The following YARS1 variants were observed in gnomAD, a reference collection of about 807,000 sequenced individuals.
YARS1 encodes the protein tyrosine--tRNA ligase, cytoplasmic.
YARS1 carries 36 observed loss-of-function variants against 62.2 expected under a neutral mutation model. The ratio of observed to expected loss-of-function variants is 0.58; its 90% confidence interval spans 0.44 to 0.76. The LOEUF is 0.76. Ranked by LOEUF, YARS1 falls within the 30% of genes least tolerant of loss-of-function variation. The pLI is 0.00. For missense variants in YARS1, 524 were observed against 639.8 expected, an observed-to-expected ratio of 0.82 and a Z score of 1.95; for synonymous variants, 234 against 244.9, an observed-to-expected ratio of 0.96 and a Z score of 0.42.
chr1:32,796,342 CA>C (rs1297362552), intron 5 of YARS1, among the ~76,000 whole-genome samples: 2 of 150,148 alleles, frequency 1.3e-5, no homozygotes, highest in African/African-American at 4.9e-5. Context: ...AAGAAATAAT[CA>C]AAAAATGTAT....
chr1:32,782,735 G>A, intron 8 of YARS1, 196 bp from the exon 9 acceptor site: 1 of 674,960 alleles, frequency 1.5e-6, no homozygotes, highest in Non-Finnish European at 2.5e-6. Flanking sequence ...TTTTGATTCT[G>A]AAATCTATAC....
At chr1:32,782,819 T>TA (rs1385752534) in intron 8 of YARS1, 1 of 440,618 alleles carries the variant, frequency 2.3e-6, no homozygotes, top group Non-Finnish European at 4.2e-6. Context: ...ATGCTTAGAG[T>TA]AGGGTCACAG....
Position 32,776,178 on chromosome 1 carries a change from G to C in YARS1, c.1477-87C>G. ...TTTTTTGGAGGGGGGGCAGAGTTTT[G>C]CTCTTGTTGCCCAGGCTGGAGTGCA... On this transcript the variant is annotated intron_variant, in intron 12 of 12. Transcript: ENST00000373477. The surrounding 1 kb of genome is among the most constrained non-coding windows in gnomAD (Gnocchi z 4.0). 1 of 1,139,886 alleles carries C rather than the reference G, an allele frequency of 8.8e-7. No homozygotes were observed. The highest frequency in any genetic ancestry group is 1.3e-6 in the Non-Finnish European group (1 of 772,260). 70.6% of individuals were successfully genotyped at this position (1,139,886 alleles called of 1,614,324 possible). A position where few individuals can be genotyped will look rare whatever the true frequency, so the allele number is the denominator to read the frequency against.
rs1557447558 is a variant in YARS1 at position 32,782,678 on chromosome 1, G to C, written c.907-139C>G. 13 of 1,173,264 alleles carry C rather than the reference G, an allele frequency of 1.1e-5. No homozygotes were observed. The South Asian group carries it at 1.7e-4, about 16-fold the overall frequency. 72.7% of individuals were successfully genotyped at this position (1,173,264 alleles called of 1,614,324 possible). ...TGATAATCTTGTGAGGCAGGTAGGAGAAGGGAAAATACATTCAGAAAGACT... is the reference window on the plus strand; with the variant it reads ...TGATAATCTTGTGAGGCAGGTAGGACAAGGGAAAATACATTCAGAAAGACT... On this transcript the variant is annotated intron_variant, in intron 8 of 12. Transcript: ENST00000373477.
intron 4 of YARS1, among the ~76,000 whole-genome samples, chr1:32,802,484 C>CTA (rs1434990779): frequency 6.6e-6 from 1 of 151,910 alleles, no homozygotes; most frequent in African/African-American, 2.4e-5. Context: ...TCTATGGCAG[C>CTA]TATAGCCTTT....
chr1:32,813,812 C>T (rs910918261), intron 1 of YARS1, among the ~76,000 whole-genome samples: 7 of 152,324 alleles, frequency 4.6e-5, no homozygotes, highest in African/African-American at 1.2e-4. Flanking sequence ...AAGACCTTCA[C>T]GTTGCTAAAT....
intron 4 of YARS1, among the ~76,000 whole-genome samples, chr1:32,803,784 G>A (rs980672968): frequency 3.3e-5 from 5 of 151,686 alleles, no homozygotes; most frequent in Non-Finnish European, 5.9e-5. Context: ...GGTGTTTCTC[G>A]GAGAGGGGGA....
rs1471513737 is a variant in YARS1, at chr1:32,797,025, TATATATATATATATATATATATATAG to T, written c.591+712_591+737del. Among the ~76,000 whole-genome samples the T allele has an allele frequency of 5.3e-3, 286 of 54,024 alleles. 4 individuals are homozygous for T. Among genetic ancestry groups the T allele is most frequent in the African/African-American group, 0.021 (277 of 13,244 alleles). The allele number at this position is 54,024 out of a possible 152,430, so 35.4% of individuals were successfully genotyped here. A position where few individuals can be genotyped will look rare whatever the true frequency, so the allele number is the denominator to read the frequency against. ...ATATATATATATATATATATATATATATATATATATATATATATATATATAGTAAGCATTTCTGTATTCATTAACTA... is the reference window on the plus strand; with the variant it reads ...ATATATATATATATATATATATATATTAAGCATTTCTGTATTCATTAACTA... On this transcript the variant is annotated intron_variant, in intron 5 of 12. Transcript: ENST00000373477.
chr1:32,790,884 A>T (rs746513646), intron 6 of YARS1: 49 of 418,846 alleles, frequency 1.2e-4, no homozygotes, highest in Non-Finnish European at 1.9e-4. Context: ...TGCTCTCATT[A>T]ATAAGGCTGA....
chr1:32,811,452 T>C (rs1638584295), intron 1 of YARS1: 2 of 325,142 alleles, frequency 6.2e-6, no homozygotes, highest in Non-Finnish European at 1.2e-5. Flanking sequence ...AGCCCCAGCA[T>C]TTGTGTCTGG....
At chr1:32,797,045 TATATAG>T (rs1218281976) in intron 5 of YARS1, among the ~76,000 whole-genome samples, 8 of 77,874 alleles carry the variant, frequency 1.0e-4, no homozygotes, top group African/African-American at 4.7e-4. Context: ...TATATATATA[TATATAG>T]TAAGCATTTC....
intron 6 of YARS1, 58 bp from the exon 7 acceptor site, chr1:32,787,133 CTAATA>C: frequency 1.9e-6 from 3 of 1,607,248 alleles, no homozygotes; most frequent in Non-Finnish European, 2.6e-6. Flanking sequence ...ATATGCTCAA[CTAATA>C]TAAGTTAAAT....
At chr1:32,804,294 C>A (rs1638388269) in intron 4 of YARS1, among the ~76,000 whole-genome samples, 1 of 152,114 alleles carries the variant, frequency 6.6e-6, no homozygotes, top group African/African-American at 2.4e-5. Flanking sequence ...AGAGGGGCTC[C>A]TCACTTCCCA....
intron 7 of YARS1, 72 bp from the exon 8 acceptor site, chr1:32,786,519 G>A: frequency 1.1e-6 from 1 of 929,268 alleles, no homozygotes. Flanking sequence ...ACTATTCCTA[G>A]CCCACATGCA....
At chr1:32,784,699 CAT>C (rs1653164269) in intron 8 of YARS1, among the ~76,000 whole-genome samples, 1 of 152,038 alleles carries the variant, frequency 6.6e-6, no homozygotes, top group Non-Finnish European at 1.5e-5. Flanking sequence ...TATATATTCA[CAT>C]ATATATTTTC....
intron 4 of YARS1, among the ~76,000 whole-genome samples, chr1:32,798,395 C>T (rs1653672614): frequency 6.6e-6 from 1 of 152,172 alleles, no homozygotes; most frequent in Non-Finnish European, 1.5e-5. Flanking sequence ...TCAGGATATG[C>T]AGAATCCTGC....
rs549339622 is a variant in YARS1 at position 32,802,938 on chromosome 1, G to A, written c.510+3544C>T. Among the ~76,000 whole-genome samples the A allele has an allele frequency of 2.6e-5, 4 of 150,946 alleles. No individual in the cohort carries two copies. The East Asian group carries it at 5.9e-4, about 22-fold the overall frequency. On this transcript the variant is annotated intron_variant, in intron 4 of 12. Coordinates refer to ENST00000373477, the MANE Select transcript of YARS1 (RefSeq NM_003680.4). Reference sequence around the variant, plus strand: ...AGTGATTCTCCTGCCTCAGCCTTCCGAGTAGCTGGGGTTACAGATGCGCGC... The same window carrying A: ...AGTGATTCTCCTGCCTCAGCCTTCCAAGTAGCTGGGGTTACAGATGCGCGC...
At chr1:32,796,736 G>A (rs1653595821) in intron 5 of YARS1, among the ~76,000 whole-genome samples, 1 of 151,124 alleles carries the variant, frequency 6.6e-6, no homozygotes, top group African/African-American at 2.4e-5. Flanking sequence ...GGCTGAGATG[G>A]GTGGATCACC....
chr1:32,795,488 A>C (rs1477543381), intron 5 of YARS1, among the ~76,000 whole-genome samples: 1 of 152,034 alleles, frequency 6.6e-6, no homozygotes, highest in African/African-American at 2.4e-5. Context: ...GGATGGGCAA[A>C]CTGTTTTAGA....
Sources: allele counts gnomAD v4.1 joint callset (sites outside exome capture counted in the v4.1 genomes callset), GRCh38; gene constraint gnomAD v4.1.1; non-coding constraint Gnocchi (gnomAD v3.1); transcripts MANE v1.5; gene names NCBI Gene and HGNC (gene_info 2026-07-23, HGNC 2026-07-21).